Variants in COG1 observed in about 807,000 individuals in gnomAD.
The protein encoded by COG1 is conserved oligomeric Golgi complex subunit 1.
COG1 carries 61 observed loss-of-function variants against 102.2 expected under a neutral mutation model. The observed-to-expected ratio is 0.60, with a 90% CI of 0.49 to 0.74. COG1 has a LOEUF of 0.74. COG1 is among the 30% of genes least tolerant of loss of function. The pLI, the probability that COG1 is intolerant of heterozygous loss-of-function variation, is 0.00. For synonymous variants in COG1, 454 were observed against 493.6 expected, an observed-to-expected ratio of 0.92 and a Z score of 1.06; for missense variants, 1,164 against 1,232.1, an observed-to-expected ratio of 0.94 and a Z score of 0.83.
Position 73,206,200 on chromosome 17 carries a change from G to C in COG1, c.2557G>C (p.Asp853His), listed in dbSNP as rs774821865. 6.2e-7 allele frequency: 1 copy of C among 1,614,156 alleles called. No homozygotes were observed. Among genetic ancestry groups the C allele is most frequent in the Non-Finnish European group, 8.5e-7 (1 of 1,180,016 alleles). ...CCTGGAAGCCCTCATTGATCCATTT[G>C]ACCTGGACGTTTTCACGCCACACCT... Reference protein sequence around the residue: ...DHLEALIDPFDLDVFTPHLNS... With the variant: ...DHLEALIDPFHLDVFTPHLNS... The change falls in exon 11 of 14, where the codon GAC becomes CAC. Residue 853 changes from aspartate to histidine, a missense_variant. Transcript: ENST00000299886.
chr17:73,193,094 G>A lies in COG1; in HGVS notation c.25G>A (p.Ala9Thr), dbSNP rs867679947. 3 of 1,562,360 alleles carry A rather than the reference G, an allele frequency of 1.9e-6. No individual in the cohort carries two copies. The highest frequency in any genetic ancestry group is 4.9e-5 in the East Asian group (2 of 41,062). The change falls in exon 1 of 14, where the codon GCG becomes ACG. Residue 9 changes from alanine (A) to threonine (T), a missense_variant. Transcript: ENST00000299886. ...CATGGCCACCGCGGCAACCTCACCC[G>A]CGCTGAAGCGGCTGGATCTGCGCGA... MATAATSP[A>T]LKRLDLRDPA...
At position 73,206,197 on chromosome 17, in the gene COG1, T is replaced by C; in HGVS notation, c.2554T>C (p.Phe852Leu). The change falls in exon 11 of 14, where the codon TTT (phenylalanine) becomes CTT (leucine). Residue 852 changes from phenylalanine to leucine, a missense_variant. By Grantham distance (22) the Phe-to-Leu change is conservative. Transcript: ENST00000299886. ...TDHLEALIDP[F>L]DLDVFTPHLN... ...CCACCTGGAAGCCCTCATTGATCCA[T>C]TTGACCTGGACGTTTTCACGCCACA... 7.4e-6 allele frequency: 12 copies of C among 1,614,200 alleles called. No homozygotes were observed. Among genetic ancestry groups the C allele is most frequent in the Admixed American group, 1.7e-5 (1 of 60,026 alleles).
chr17:73,198,771 G>A lies in COG1; in HGVS notation c.914-1094G>A, dbSNP rs546174351. On this transcript the variant is annotated intron_variant, in intron 4 of 13. Transcript: ENST00000299886. ...GGGAATGGATGACATCATCAGTAAG[G>A]AGATGACAGAGGACTCTGCCTTATG... Among the ~76,000 whole-genome samples, 22 of 152,306 alleles carry A rather than the reference G, an allele frequency of 1.4e-4. No individual in the cohort carries two copies. The South Asian group carries it at 2.7e-3, about 19-fold the overall frequency.
intron 1 of COG1, among the ~76,000 whole-genome samples, chr17:73,196,010 A>C (rs2145091876): frequency 6.6e-6 from 1 of 152,328 alleles, no homozygotes; most frequent in African/African-American, 2.4e-5. Flanking sequence ...GAGATTGGGC[A>C]ATTTATAACA....
intron 13 of COG1, chr17:73,207,764 ATG>A: frequency 7.8e-7 from 1 of 1,289,824 alleles, no homozygotes; most frequent in Non-Finnish European, 1.0e-6. Flanking sequence ...TGCTGTGTGC[ATG>A]TGTGTTTGAA....
At chr17:73,207,721 C>A (rs777715682) in intron 13 of COG1, 77 of 1,291,796 alleles carry the variant, frequency 6.0e-5, no homozygotes, top group Non-Finnish European at 7.4e-5. Flanking sequence ...AACTGTTAAG[C>A]CTGCAGGAAT....
rs766057419 is a variant in COG1 at position 73,201,869 on chromosome 17, G to A, written c.2042G>A (p.Gly681Asp). The change falls in exon 7 of 14, where the codon GGC (glycine) becomes GAC (aspartate). Residue 681 changes from glycine (G) to aspartate (D), a missense_variant. Coordinates refer to ENST00000299886, the MANE Select transcript of COG1 (RefSeq NM_018714.3). ...GTACTCCTCCAGCAGAGCGTGATGG[G>A]CTACCAGGTCTGGAGCAGTGCAGTT... Reference protein sequence around the residue: ...KEVLLQQSVMGYQVWSSAVVK... With the variant: ...KEVLLQQSVMDYQVWSSAVVK... 5 of 1,614,186 alleles carry A rather than the reference G, an allele frequency of 3.1e-6. No individual in the cohort carries two copies. In the South Asian group the frequency reaches 5.5e-5, roughly 18 times the overall value.
Position 73,193,176 on chromosome 17 carries a change from A to G in COG1, c.107A>G (p.Gln36Arg), listed in dbSNP as rs2145088190. 6.2e-7 allele frequency: 1 copy of G among 1,608,016 alleles called. No homozygotes were observed. The highest frequency in any genetic ancestry group is 8.5e-7 in the Non-Finnish European group (1 of 1,177,890). Residue 36 changes from glutamine (Q) to arginine (R), a missense_variant, in exon 1 of 14, where the codon CAG becomes CGG. Gln to Arg is a conservative substitution (Grantham distance 43, BLOSUM62 1). Transcript: ENST00000299886. ...GAEEIRGLER[Q>R]VRAEIEHKKE... ...GAGGAGATCCGCGGGCTGGAGCGCCAGGTTCGGGCCGAGATCGAGCACAAG... is the reference window on the plus strand; with the variant it reads ...GAGGAGATCCGCGGGCTGGAGCGCCGGGTTCGGGCCGAGATCGAGCACAAG...
Position 73,196,539 on chromosome 17 carries a change from C to T in COG1, c.348C>T (p.Ser116=). ...PQQPSQEKFY[S]MAAQIKLLLE... ...AGCCATCCCAGGAGAAGTTCTACAG[C>T]ATGGCTGCCCAGATCAAGCTACTCT... is the stretch of plus-strand genomic sequence containing the variant. The change falls in exon 2 of 14, where the codon AGC becomes AGT. Residue 116 remains serine, a synonymous_variant. Coordinates refer to ENST00000299886, the MANE Select transcript of COG1 (RefSeq NM_018714.3). 1 of 1,614,216 alleles carries T rather than the reference C, an allele frequency of 6.2e-7. No homozygotes were observed. The highest frequency in any genetic ancestry group is 1.1e-5 in the South Asian group (1 of 91,086).
At chr17:73,203,177 A>G in intron 8 of COG1, 31 bp downstream of exon 8, 1 of 1,613,136 alleles carries the variant, frequency 6.2e-7, no homozygotes, top group Non-Finnish European at 8.5e-7. Context: ...GAAAAAGGGA[A>G]TAAACTGCTC....
chr17:73,206,367 G>A (rs989671671), intron 11 of COG1, 105 bp downstream of exon 11: 1 of 913,750 alleles, frequency 1.1e-6, no homozygotes, highest in Non-Finnish European at 1.8e-6. Flanking sequence ...AGCATAGGGA[G>A]GGGAATAAGA....
intron 1 of COG1, among the ~76,000 whole-genome samples, chr17:73,194,121 A>C (rs2061314374): frequency 6.6e-6 from 1 of 151,564 alleles, no homozygotes; most frequent in Non-Finnish European, 1.5e-5. Flanking sequence ...ACACATCCTC[A>C]TATTGGAGCT....
Position 73,207,529 on chromosome 17 carries a change from T to G in COG1, c.2805+273T>G, listed in dbSNP as rs565823973. The G allele has an allele frequency of 3.0e-4, 177 of 594,266 alleles. 1 individual carries two copies. The Middle Eastern group carries it at 0.01, about 34-fold the overall frequency. 36.8% of individuals were successfully genotyped at this position (594,266 alleles called of 1,614,324 possible). ...GGTGGAGATGAGCTCTTGAATTTAG[T>G]AGGGTGAAAGAGTTAACTGCCAACC... On this transcript the variant is annotated intron_variant, in intron 13 of 13. Coordinates refer to ENST00000299886, the MANE Select transcript of COG1 (RefSeq NM_018714.3).
Position 73,208,476 on chromosome 17 carries a change from T to G in COG1, c.*25T>G, listed in dbSNP as rs1333204003. On this transcript the variant is annotated 3_prime_UTR_variant, in exon 14 of 14. Coordinates refer to ENST00000299886, the MANE Select transcript of COG1 (RefSeq NM_018714.3). ...ACATGGCAACACATCTGTCTCTCCC[T>G]AAATAAATACTACCACATTATTTCT... 6.2e-7 allele frequency: 1 copy of G among 1,611,774 alleles called. No individual in the cohort carries two copies. Among genetic ancestry groups the G allele is most frequent in the South Asian group, 1.1e-5 (1 of 91,040 alleles).
At position 73,207,488 on chromosome 17, in the gene COG1, A is replaced by AAAAT. The variant is rs1280677581; in HGVS notation, c.2805+234_2805+237dup. On this transcript the variant is annotated intron_variant, in intron 13 of 13. Coordinates refer to ENST00000299886, the MANE Select transcript of COG1 (RefSeq NM_018714.3). ...AAGTAGCCTCTTAATAGAAATGTAG[A>AAAAT]AAATATACAGGACAGGGTGGAGATG... is the stretch of plus-strand genomic sequence containing the variant. The AAAAT allele has an allele frequency of 2.8e-5, 18 of 644,646 alleles. No individual in the cohort carries two copies. The East Asian group carries it at 5.2e-4, about 19-fold the overall frequency. The allele number at this position is 644,646 out of a possible 1,614,324, so 39.9% of individuals were successfully genotyped here.
At position 73,202,585 on chromosome 17, in the gene COG1, C is replaced by G. The variant is rs552214996; in HGVS notation, c.2074-415C>G. 2.0e-5 allele frequency among the ~76,000 whole-genome samples: 3 copies of G among 152,136 alleles called. No individual in the cohort carries two copies. In the South Asian group the frequency reaches 6.2e-4, roughly 32 times the overall value. On this transcript the variant is annotated intron_variant, in intron 7 of 13. Coordinates refer to ENST00000299886, the MANE Select transcript of COG1 (RefSeq NM_018714.3). ...GTTGGATTGTGTGAACCCAGGAATT[C>G]AAGACCAGCCTGGGCAACATGATGA...
intron 10 of COG1, 120 bp downstream of exon 10, chr17:73,205,800 C>A: frequency 7.5e-7 from 1 of 1,338,902 alleles, no homozygotes; most frequent in Non-Finnish European, 1.1e-6. Context: ...TTGTTTTGAA[C>A]AGTAAGTGCT....
Position 73,196,627 on chromosome 17 carries a change from C to G in COG1, c.436C>G (p.Leu146Val). The G allele has an allele frequency of 6.2e-7, 1 of 1,614,212 alleles. No homozygotes were observed. The highest frequency in any genetic ancestry group is 1.3e-5 in the African/African-American group (1 of 75,050). The change falls in exon 2 of 14, where the codon CTC becomes GTC. Residue 146 changes from leucine (L) to valine (V), a missense_variant. Coordinates refer to ENST00000299886, the MANE Select transcript of COG1 (RefSeq NM_018714.3). ...EASQCLHATQ[L>V]YLLCCHLHSL... The stretch of plus-strand genomic sequence containing the variant: ...CTCTCAGTGTCTCCACGCCACACAG[C>G]TCTACCTGCTCTGCTGCCACCTCCA...
At chr17:73,206,340 GTAA>G (rs1200934514) in intron 11 of COG1, 78 bp downstream of exon 11, 2 of 1,100,154 alleles carry the variant, frequency 1.8e-6, no homozygotes, top group Non-Finnish European at 2.8e-6. Flanking sequence ...GCTCAAGCAC[GTAA>G]TACTCCAGGA....
Sources: gnomAD v4.1 joint callset for allele counts (sites outside exome capture counted in the v4.1 genomes callset) on GRCh38, gnomAD v4.1.1 for gene constraint, MANE v1.5 for transcripts, NCBI Gene and HGNC (gene_info 2026-07-23, HGNC 2026-07-21) for gene names.